The following SSH1 variants were observed in gnomAD, a reference collection of about 807,000 sequenced individuals.
SSH1 encodes slingshot protein phosphatase 1, also known as protein phosphatase Slingshot homolog 1.
Under a neutral mutation model 79.7 loss-of-function variants are expected in SSH1, and 43 were observed. The observed-to-expected ratio is 0.54, with a 90% confidence interval of 0.42 to 0.70. The LOEUF (loss-of-function observed/expected upper bound fraction) is 0.70. SSH1 is among the 30% of genes least tolerant of loss of function. SSH1 has a pLI of 0.00. For synonymous variants in SSH1, 599 were observed against 538.3 expected (o/e 1.11, Z -1.56); for missense variants, 1,206 against 1,358.8 (o/e 0.89, Z 1.77).
At chr12:108,799,421 AC>A (rs1229707833) in intron 12 of SSH1, among the ~76,000 whole-genome samples, 1 of 152,224 alleles carries the variant, frequency 6.6e-6, no homozygotes, top group Non-Finnish European at 1.5e-5. Context: ...CAATTAGCAC[AC>A]AATGGGATAT....
intron 7 of SSH1, among the ~76,000 whole-genome samples, chr12:108,808,069 C>T (rs1180805493): frequency 1.3e-5 from 2 of 152,174 alleles, no homozygotes; most frequent in Non-Finnish European, 2.9e-5. Context: ...TCCCGAGCAG[C>T]TGGGACCACA....
chr12:108,840,948 G>A (rs1476458987), intron 2 of SSH1, among the ~76,000 whole-genome samples: 2 of 152,172 alleles, frequency 1.3e-5, no homozygotes, highest in African/African-American at 4.8e-5. Context: ...CTCACCGTGG[G>A]AATAAAACTC....
At chr12:108,845,162 T>C (rs902884608) in intron 2 of SSH1, among the ~76,000 whole-genome samples, 95 of 133,396 alleles carry the variant, frequency 7.1e-4, no homozygotes, top group Admixed American at 1.0e-3. Flanking sequence ...TGAGCCGAGA[T>C]CGCACCACTG....
At chr12:108,819,414 T>G (rs2038032509) in intron 3 of SSH1, among the ~76,000 whole-genome samples, 1 of 152,142 alleles carries the variant, frequency 6.6e-6, no homozygotes, top group African/African-American at 2.4e-5. Context: ...GGGAAAGTTG[T>G]AAGGGAGGTG....
intron 2 of SSH1, among the ~76,000 whole-genome samples, chr12:108,840,839 G>C (rs1320389390): frequency 6.6e-6 from 1 of 152,222 alleles, no homozygotes; most frequent in African/African-American, 2.4e-5. Context: ...AGTCCCAGCA[G>C]AGGGTCACTT....
rs753466084 is a variant in SSH1 at position 108,789,264 on chromosome 12, A to C, written c.1894-20T>G. Reference sequence around the variant, plus strand: ...ATCATCCTGCAAGGAAGGGGACAAGAGCATGGTGAGACGGTGCAGTCATGA... The same window carrying C: ...ATCATCCTGCAAGGAAGGGGACAAGCGCATGGTGAGACGGTGCAGTCATGA... On this transcript the variant is annotated intron_variant, in intron 14 of 14. Coordinates refer to ENST00000326495, the MANE Select transcript of SSH1 (RefSeq NM_018984.4). 3.2e-6 allele frequency: 5 copies of C among 1,580,200 alleles called. No individual in the cohort carries two copies. Among genetic ancestry groups the C allele is most frequent in the Non-Finnish European group, 4.3e-6 (5 of 1,162,236 alleles).
intron 12 of SSH1, among the ~76,000 whole-genome samples, 175 bp downstream of exon 12, chr12:108,800,595 TGCGACTAAAA>T (rs1007999743): frequency 6.7e-5 from 10 of 150,116 alleles, no homozygotes; most frequent in African/African-American, 2.5e-4. Context: ...CTTGGAGTCC[TGCGACTAAAA>T]GCAAAGGTCC....
intron 2 of SSH1, among the ~76,000 whole-genome samples, chr12:108,851,370 C>T (rs1262850563): frequency 6.6e-6 from 1 of 152,166 alleles, no homozygotes; most frequent in Non-Finnish European, 1.5e-5. Flanking sequence ...ACCCTGCTGT[C>T]GGTAATGAAT....
At position 108,792,760 on chromosome 12, in the gene SSH1, A is replaced by G. The variant is rs993860693; in HGVS notation, c.1419T>C (p.Pro473=). 6.2e-7 allele frequency: 1 copy of G among 1,613,872 alleles called. No homozygotes were observed. The highest frequency in any genetic ancestry group is 1.7e-5 in the Admixed American group (1 of 60,014). The change falls in exon 14 of 15, where the codon CCT becomes CCC. Residue 473 remains proline (P), a synonymous_variant. Coordinates refer to ENST00000326495, the MANE Select transcript of SSH1 (RefSeq NM_018984.4). The stretch of plus-strand genomic sequence containing the variant: ...CTGGCAAGAAGTCGCCAGGTCCTGC[A>G]GGGTCATCCACAGGCTGCTGGAGGC... The part of the protein sequence containing the change: ...DSSLQQPVDD[P]AGPGDFLPET...
chr12:108,842,650 A>G (rs1215781016), intron 2 of SSH1, among the ~76,000 whole-genome samples: 1 of 151,838 alleles, frequency 6.6e-6, no homozygotes, highest in African/African-American at 2.4e-5. Context: ...ATGGCTCACC[A>G]GGAAGAATGG....
At position 108,788,963 on chromosome 12, in the gene SSH1, G is replaced by A. The variant is rs1378287972; in HGVS notation, c.2175C>T (p.Thr725=). Residue 725 remains threonine (T), a synonymous_variant, in exon 15 of 15, where the codon ACC becomes ACT. Transcript: ENST00000326495. ...LPPAGSRRAD[T]SGPGAGAALE... ...GGGCAGCTCCAGCCCCAGGGCCACT[G>A]GTGTCTGCCCTCCTGGAGCCTGCTG... 6.2e-6 allele frequency: 10 copies of A among 1,613,592 alleles called. No homozygotes were observed. Among genetic ancestry groups the A allele is most frequent in the Non-Finnish European group, 8.5e-6 (10 of 1,179,712 alleles).
rs1405914168 is a variant in SSH1 at position 108,782,607 on chromosome 12, G to C, written c.*5381C>G. Reference sequence around the variant, plus strand: ...TAGATGCTCAATAAAGACTGGCCATGTCAATGACGATGATGATGACGATGT... The same window carrying C: ...TAGATGCTCAATAAAGACTGGCCATCTCAATGACGATGATGATGACGATGT... On this transcript the variant is annotated 3_prime_UTR_variant, in exon 15 of 15. Coordinates refer to ENST00000326495, the MANE Select transcript of SSH1 (RefSeq NM_018984.4). 1 of 152,202 alleles carries C rather than the reference G, an allele frequency of 6.6e-6. No homozygotes were observed. The highest frequency in any genetic ancestry group is 1.5e-5 in the Non-Finnish European group (1 of 68,036). 9.4% of individuals were successfully genotyped at this position (152,202 alleles called of 1,614,324 possible).
At chr12:108,789,536 CCT>C (rs1265577496) in intron 14 of SSH1, among the ~76,000 whole-genome samples, 2 of 152,170 alleles carry the variant, frequency 1.3e-5, no homozygotes, top group Non-Finnish European at 2.9e-5. Context: ...GTGACACATG[CCT>C]CTGTGTCCCC....
intron 13 of SSH1, among the ~76,000 whole-genome samples, chr12:108,796,666 A>G (rs952085027): frequency 2.0e-5 from 3 of 152,326 alleles, no homozygotes; most frequent in East Asian, 1.9e-4. Flanking sequence ...ACTAATGTAC[A>G]AATATCTCTC....
chr12:108,852,760 G>C lies in SSH1; in HGVS notation c.70-82C>G, dbSNP rs1005926002. 3.1e-6 allele frequency: 5 copies of C among 1,608,400 alleles called. No individual in the cohort carries two copies. In the East Asian group the frequency reaches 1.1e-4, roughly 36 times the overall value. ...GCGGCAGTCTCACATTTTCTACCCCGGTACTGGAAAAAGATAAAGATATCC... is the reference window on the plus strand; with the variant it reads ...GCGGCAGTCTCACATTTTCTACCCCCGTACTGGAAAAAGATAAAGATATCC... On this transcript the variant is annotated intron_variant, in intron 1 of 14. Transcript: ENST00000326495.
intron 13 of SSH1, among the ~76,000 whole-genome samples, chr12:108,793,152 A>T (rs2036588345): frequency 6.6e-6 from 1 of 152,206 alleles, no homozygotes; most frequent in Admixed American, 6.5e-5. Flanking sequence ...TTGTCACGTC[A>T]GTTACACTCC....
rs1324078556 is a variant in SSH1 at position 108,787,294 on chromosome 12, AAC to A, written c.*692_*693del. On this transcript the variant is annotated 3_prime_UTR_variant, in exon 15 of 15. Transcript: ENST00000326495. ...CCCCTGTGCTGGTCAAACACGTAACAACACAACCAGGACAGGGCGCCTGCACC... is the reference window on the plus strand; with the variant it reads ...CCCCTGTGCTGGTCAAACACGTAACAACAACCAGGACAGGGCGCCTGCACC... 6.6e-6 allele frequency: 1 copy of A among 152,544 alleles called. No individual in the cohort carries two copies. The highest frequency in any genetic ancestry group is 1.5e-5 in the Non-Finnish European group (1 of 68,332). The allele number at this position is 152,544 out of a possible 1,614,324, so 9.4% of individuals were successfully genotyped here. A position where few individuals can be genotyped will look rare whatever the true frequency, so the allele number is the denominator to read the frequency against.
intron 2 of SSH1, among the ~76,000 whole-genome samples, chr12:108,825,747 C>T (rs963149672): frequency 6.6e-6 from 1 of 152,150 alleles, no homozygotes; most frequent in Non-Finnish European, 1.5e-5. Flanking sequence ...ACGAAAGAAA[C>T]GAGAAGCAGC....
chr12:108,799,372 T>G (rs2036890741), intron 12 of SSH1, among the ~76,000 whole-genome samples, 172 bp from the exon 13 acceptor site: 1 of 152,222 alleles, frequency 6.6e-6, no homozygotes, highest in East Asian at 1.9e-4. Flanking sequence ...GGAGCAGATG[T>G]CCACGCACTC....
Sources: allele counts gnomAD v4.1 joint callset (sites outside exome capture counted in the v4.1 genomes callset), GRCh38; gene constraint gnomAD v4.1.1; transcripts MANE v1.5; gene names NCBI Gene and HGNC (gene_info 2026-07-23, HGNC 2026-07-21).